Variants in KDM6A observed in about 807,000 individuals in gnomAD.
The protein encoded by KDM6A is lysine demethylase 6A, also known as lysine-specific demethylase 6A.
In KDM6A, 11 loss-of-function variants were observed where a neutral mutation model predicts 117.6. The ratio of observed to expected loss-of-function variants is 0.09; its 90% CI spans 0.06 to 0.15. The LOEUF is 0.15. KDM6A is among the 10% of genes least tolerant of loss of function. The pLI is 1.00. For synonymous variants in KDM6A, 384 were observed against 396.1 expected, an observed-to-expected ratio of 0.97 and a Z score of 0.36; for missense variants, 799 against 1,077.3, an observed-to-expected ratio of 0.74 and a Z score of 3.62.
At chrX:44,917,371 T>C (rs2035630632) in intron 2 of KDM6A, among the ~76,000 whole-genome samples, 2 of 111,835 alleles carry the variant, frequency 1.8e-5, no homozygotes, top group East Asian at 5.6e-4. Context: ...GAATTGTCTC[T>C]TTAAGTGTCC....
chrX:44,942,516 T>C (rs1414872040), intron 2 of KDM6A, among the ~76,000 whole-genome samples: 1 of 110,701 alleles, frequency 9.0e-6, no homozygotes, highest in African/African-American at 3.3e-5. Context: ...TGTAGCTTAC[T>C]GTATTAAGTC....
At chrX:44,962,586 A>G (rs1044977811) in intron 3 of KDM6A, among the ~76,000 whole-genome samples, 1 of 112,281 alleles carries the variant, frequency 8.9e-6, no homozygotes, top group African/African-American at 3.2e-5. Flanking sequence ...CTATTGTACC[A>G]AAAAATAGAT....
intron 5 of KDM6A, among the ~76,000 whole-genome samples, chrX:45,019,302 T>C (rs1046681170): frequency 1.8e-5 from 2 of 111,188 alleles, no homozygotes; most frequent in African/African-American, 6.6e-5. Context: ...ACCTAACAGA[T>C]GGATACCCAG....
At chrX:44,995,953 A>G (rs1466423132) in intron 4 of KDM6A, among the ~76,000 whole-genome samples, 3 of 111,974 alleles carry the variant, frequency 2.7e-5, no homozygotes, top group Admixed American at 1.9e-4. Flanking sequence ...ATCTCATTTA[A>G]TTCCTCAGAC....
chrX:45,034,481 A>G (rs968168752), intron 6 of KDM6A, among the ~76,000 whole-genome samples: 4 of 111,960 alleles, frequency 3.6e-5, no homozygotes, highest in East Asian at 2.8e-4. Flanking sequence ...CTCTATGACA[A>G]TACTCATAGT....
At chrX:45,096,786 T>C (rs2046127469) in intron 27 of KDM6A, among the ~76,000 whole-genome samples, 1 of 111,650 alleles carries the variant, frequency 9.0e-6, no homozygotes, top group Non-Finnish European at 1.9e-5. Context: ...GTCCAACCAT[T>C]GTGGAAAGCA....
chrX:44,903,074 C>G (rs147848437), intron 2 of KDM6A, among the ~76,000 whole-genome samples: 2,612 of 111,842 alleles, frequency 0.023, 47 homozygotes, highest in Non-Finnish European at 0.037. Context: ...GATCATTGCA[C>G]CTGAGAATTA....
intron 2 of KDM6A, among the ~76,000 whole-genome samples, chrX:44,947,059 G>A (rs1265442382): frequency 1.8e-5 from 2 of 111,555 alleles, no homozygotes; most frequent in East Asian, 5.6e-4. Context: ...AGCCATTTTC[G>A]TAGCATATTT....
intron 27 of KDM6A, among the ~76,000 whole-genome samples, chrX:45,099,859 C>T (rs2046271283): frequency 9.0e-6 from 1 of 110,932 alleles, no homozygotes; most frequent in African/African-American, 3.3e-5. Flanking sequence ...ATGGTGAAAC[C>T]CCGTCTCTAC....
intron 5 of KDM6A, among the ~76,000 whole-genome samples, chrX:45,015,350 A>G (rs185533450): frequency 9.0e-6 from 1 of 110,883 alleles, no homozygotes; most frequent in Non-Finnish European, 1.9e-5. Context: ...CCTGGGCTCA[A>G]GCAGTCCTCC....
chrX:44,981,749 T>C (rs1257302754), intron 4 of KDM6A, among the ~76,000 whole-genome samples: 1 of 111,252 alleles, frequency 9.0e-6, no homozygotes, highest in East Asian at 2.8e-4. Flanking sequence ...TGAAGCTACA[T>C]AGGTGGCTGC....
At chrX:44,912,091 G>A (rs1430171253) in intron 2 of KDM6A, among the ~76,000 whole-genome samples, 1 of 108,610 alleles carries the variant, frequency 9.2e-6, no homozygotes, top group Non-Finnish European at 1.9e-5. Flanking sequence ...CTTTTTTTTT[G>A]TTTGTTTGTT....
chrX:45,083,991 T>C (rs1328447142), intron 24 of KDM6A, among the ~76,000 whole-genome samples: 1 of 112,154 alleles, frequency 8.9e-6, no homozygotes, highest in Non-Finnish European at 1.9e-5. Flanking sequence ...TGCACATGTA[T>C]GTATACAGCA....
At chrX:44,974,432 A>G (rs1481428192) in intron 3 of KDM6A, among the ~76,000 whole-genome samples, 3 of 110,921 alleles carry the variant, frequency 2.7e-5, no homozygotes, top group African/African-American at 9.8e-5. Context: ...TCTTTGAGGA[A>G]GGTCGAGTTG....
chrX:44,913,138 A>G (rs1366035375), intron 2 of KDM6A, among the ~76,000 whole-genome samples: 2 of 111,532 alleles, frequency 1.8e-5, no homozygotes, highest in Non-Finnish European at 3.8e-5. Context: ...TCCTCTTCAA[A>G]ATGGAGATGA....
At chrX:44,979,170 A>T (rs1478235626) in intron 4 of KDM6A, among the ~76,000 whole-genome samples, 2 of 112,331 alleles carry the variant, frequency 1.8e-5, no homozygotes, top group African/African-American at 3.2e-5. Context: ...ACCATTTTAT[A>T]TTCCAACCAG....
At chrX:45,110,368 A>G (rs1286345504) in intron 29 of KDM6A, 119 bp downstream of exon 29, 34 of 589,284 alleles carry the variant, frequency 5.8e-5, no homozygotes, top group Non-Finnish European at 9.7e-5. Context: ...GGCTCATTAT[A>G]TATTGCATGA....
chrX:44,917,378 G>A (rs1346005661), intron 2 of KDM6A, among the ~76,000 whole-genome samples: 1 of 111,566 alleles, frequency 9.0e-6, no homozygotes, highest in African/African-American at 3.3e-5. Context: ...CTCTTTAAGT[G>A]TCCCCACCCC....
intron 18 of KDM6A, among the ~76,000 whole-genome samples, chrX:45,072,468 A>G (rs908374853): frequency 9.0e-6 from 1 of 110,582 alleles, no homozygotes; most frequent in African/African-American, 3.3e-5. Context: ...CATTCAGTTC[A>G]ACTCTGGGCC....
Sources: allele counts gnomAD v4.1 joint callset (sites outside exome capture counted in the v4.1 genomes callset), GRCh38; gene constraint gnomAD v4.1.1; transcripts MANE v1.5; gene names NCBI Gene and HGNC (gene_info 2026-07-23, HGNC 2026-07-21).